Variants in MPV17L2 observed in about 807,000 individuals in gnomAD.
MPV17L2 encodes the protein mpv17-like protein 2.
A neutral mutation model predicts 24.2 loss-of-function variants in MPV17L2; 25 were observed. The ratio of observed to expected loss-of-function variants is 1.03; its 90% CI spans 0.75 to 1.44. The LOEUF is 1.44. MPV17L2 is among the 40% of genes most tolerant of loss of function. The pLI is 0.00. For missense variants in MPV17L2, 271 were observed against 276.2 expected (o/e 0.98, Z 0.13); for synonymous variants, 130 against 121.4 (o/e 1.07, Z -0.46).
rs201845134 is a variant in MPV17L2 at position 18,195,017 on chromosome 19, A to G, written c.495A>G (p.Gln165=). Residue 165 remains glutamine, a synonymous_variant, in exon 4 of 5, where the codon CAA becomes CAG. Transcript: ENST00000599612. ...QFVNFLFVPP[Q]FRVTYINGLT... is the part of the protein sequence containing the mutation. ...TGAACTTCCTCTTCGTGCCCCCCCAATTTCGAGTCACCTACATCAACGGCC... is the reference window on the plus strand; with the variant it reads ...TGAACTTCCTCTTCGTGCCCCCCCAGTTTCGAGTCACCTACATCAACGGCC... 47 of 1,613,668 alleles carry G rather than the reference A, an allele frequency of 2.9e-5. No homozygotes were observed. In the East Asian group the frequency reaches 6.0e-4, roughly 21 times the overall value.
rs1415046436 is a variant in MPV17L2, at chr19:18,193,396, G to A, written c.115G>A (p.Ala39Thr). The A allele has an allele frequency of 3.8e-6, 6 of 1,567,780 alleles. No homozygotes were observed. In the East Asian group the frequency reaches 1.4e-4, roughly 38 times the overall value. ...GCTGGGCTGCGGCGCGCTCATGGCG[G>A]CCGGTGATGGCGTGCGCCAGTCCTG... ...NTLGCGALMA[A>T]GDGVRQSWEI... The change falls in exon 1 of 5, where the codon GCC becomes ACC. Residue 39 changes from alanine (A) to threonine (T), a missense_variant. Transcript: ENST00000599612.
chr19:18,196,128 C>G lies in MPV17L2; in HGVS notation c.*73C>G, dbSNP rs980317316. On this transcript the variant is annotated 3_prime_UTR_variant, in exon 5 of 5. Coordinates refer to ENST00000599612, the MANE Select transcript of MPV17L2 (RefSeq NM_032683.3). The stretch of plus-strand genomic sequence containing the variant: ...CCCCCTCTGACAGAAGGGGAATGGG[C>G]TCCTGCAGCAAGCTCGGGTCTTGAG... 1.9e-6 allele frequency: 3 copies of G among 1,610,596 alleles called. No individual in the cohort carries two copies. In the African/African-American group the frequency reaches 4.0e-5, roughly 22 times the overall value.
In MPV17L2 at chr19:18,193,951, T is replaced by C; in HGVS notation, c.275T>C (p.Leu92Pro). The C allele has an allele frequency of 5.0e-6, 8 of 1,614,222 alleles. No homozygotes were observed. Among genetic ancestry groups the C allele is most frequent in the Non-Finnish European group, 6.8e-6 (8 of 1,180,030 alleles). Residue 92 changes from leucine to proline, a missense_variant, in exon 2 of 5, where the codon CTC becomes CCC. Leu to Pro is a moderately conservative substitution (Grantham distance 98). Coordinates refer to ENST00000599612, the MANE Select transcript of MPV17L2 (RefSeq NM_032683.3). ...SLDRLFPASG[L>P]RGFPNVLKKV... The stretch of plus-strand genomic sequence containing the variant: ...GACCGCCTATTCCCTGCGTCTGGCC[T>C]CCGAGGCTTCCCAAATGTCCTCAAG...
chr19:18,196,231 C>T lies in MPV17L2; in HGVS notation c.*176C>T, dbSNP rs1366034097. On this transcript the variant is annotated 3_prime_UTR_variant, in exon 5 of 5. Transcript: ENST00000599612. ...CAAGCTCACTTCTGGGACTGAGTTT[C>T]CTCAACCGGAACACACCCATGAAGA... is the stretch of plus-strand genomic sequence containing the variant. The T allele has an allele frequency of 6.5e-7, 1 of 1,529,718 alleles. No individual in the cohort carries two copies. The highest frequency in any genetic ancestry group is 8.8e-7 in the Non-Finnish European group (1 of 1,142,512). 94.8% of individuals were successfully genotyped at this position (1,529,718 alleles called of 1,614,324 possible).
chr19:18,196,080 C>G lies in MPV17L2; in HGVS notation c.*25C>G. 6.2e-7 allele frequency: 1 copy of G among 1,614,054 alleles called. No homozygotes were observed. Among genetic ancestry groups the G allele is most frequent in the South Asian group, 1.1e-5 (1 of 91,082 alleles). On this transcript the variant is annotated 3_prime_UTR_variant, in exon 5 of 5. Coordinates refer to ENST00000599612, the MANE Select transcript of MPV17L2 (RefSeq NM_032683.3). ...AACTGTCTGCTTCCTGGACCAGATG[C>G]AAGACTGTCTCCTGGCGGACCACCC...
At chr19:18,194,607 G>A (rs2147976725) in intron 2 of MPV17L2, among the ~76,000 whole-genome samples, 170 bp from the exon 3 acceptor site, 1 of 152,304 alleles carries the variant, frequency 6.6e-6, no homozygotes, top group Non-Finnish European at 1.5e-5. Context: ...CTCTACACCA[G>A]CTACCCTAAT....
intron 3 of MPV17L2, 44 bp from the exon 4 acceptor site, chr19:18,194,914 G>T (rs777960452): frequency 8.2e-6 from 5 of 607,128 alleles, no homozygotes; most frequent in Middle Eastern, 4.4e-4. Flanking sequence ...CTCCGCCCCC[G>T]CCCAGCTCTG....
Position 18,195,178 on chromosome 19 carries a change from G to A in MPV17L2, c.564+92G>A, listed in dbSNP as rs754834092. The A allele has an allele frequency of 1.8e-4, 269 of 1,530,458 alleles. 1 individual carries two copies. Among genetic ancestry groups the A allele is most frequent in the Non-Finnish European group, 2.3e-4 (261 of 1,138,798 alleles). The allele number at this position is 1,530,458 out of a possible 1,614,324, so 94.8% of individuals were successfully genotyped here. A position where few individuals can be genotyped will look rare whatever the true frequency, so the allele number is the denominator to read the frequency against. On this transcript the variant is annotated intron_variant, in intron 4 of 4. Coordinates refer to ENST00000599612, the MANE Select transcript of MPV17L2 (RefSeq NM_032683.3). ...TGGCAGTGTAGCCAGCCACCCTGGA[G>A]GGTGGGAGTCTCCTGTGCTCCTGAC...
intron 2 of MPV17L2, 188 bp downstream of exon 2, chr19:18,194,222 G>A (rs564538093): frequency 3.1e-6 from 2 of 638,558 alleles, no homozygotes; most frequent in South Asian, 4.0e-5. Context: ...AGTGTAGGAG[G>A]GACGAGGACT....
chr19:18,194,380 C>G (rs1295574147), intron 2 of MPV17L2, among the ~76,000 whole-genome samples: 1 of 152,148 alleles, frequency 6.6e-6, no homozygotes, highest in Non-Finnish European at 1.5e-5. Flanking sequence ...GAAATTGAGG[C>G]TAGACTTAAT....
At chr19:18,194,090 C>A in intron 2 of MPV17L2, 56 bp downstream of exon 2, 1 of 1,575,704 alleles carries the variant, frequency 6.3e-7, no homozygotes. Flanking sequence ...GGGGTGGAGC[C>A]AGCTTTGTGT....
rs1379618471 is a variant in MPV17L2 at position 18,196,166 on chromosome 19, A to G, written c.*111A>G. 3 of 1,582,392 alleles carry G rather than the reference A, an allele frequency of 1.9e-6. No homozygotes were observed. Among genetic ancestry groups the G allele is most frequent in the East Asian group, 4.6e-5 (2 of 43,676 alleles). ...CTCGGGTCTTGAGCCACGTCCCAGC[A>G]CCACTTCAGCTCCGGAGCATTGGGC... On this transcript the variant is annotated 3_prime_UTR_variant, in exon 5 of 5. Transcript: ENST00000599612.
At position 18,194,046 on chromosome 19, in the gene MPV17L2, C is replaced by CCTAAG; in HGVS notation, c.358+14_358+18dup. ...CTGGTACTTCTTGGGTAAGGAGCCT[C>CCTAAG]CTAAGCCTAGGCTTTGCCTCTCATA... On this transcript the variant is annotated intron_variant, in intron 2 of 4. Coordinates refer to ENST00000599612, the MANE Select transcript of MPV17L2 (RefSeq NM_032683.3). 6.2e-7 allele frequency: 1 copy of CCTAAG among 1,612,902 alleles called. No individual in the cohort carries two copies.
chr19:18,194,718 TGTC>T lies in MPV17L2; in HGVS notation c.359-55_359-53del. On this transcript the variant is annotated intron_variant, in intron 2 of 4. Transcript: ENST00000599612. ...CGCCCCCTCCATCGTCAGCCCATCTTGTCGTCTCAACAGTACTTCCTGGCCTCT... is the reference window on the plus strand; with the variant it reads ...CGCCCCCTCCATCGTCAGCCCATCTTGTCTCAACAGTACTTCCTGGCCTCT... 3.4e-6 allele frequency: 5 copies of T among 1,476,548 alleles called. No homozygotes were observed. In the Admixed American group the frequency reaches 5.9e-5, roughly 17 times the overall value. The allele number at this position is 1,476,548 out of a possible 1,614,324, so 91.5% of individuals were successfully genotyped here.
chr19:18,194,415 G>A (rs904512950), intron 2 of MPV17L2, among the ~76,000 whole-genome samples: 11 of 152,172 alleles, frequency 7.2e-5, no homozygotes, highest in African/African-American at 2.7e-4. Context: ...CCAGCCCTAG[G>A]CTCGGTAAAG....
chr19:18,196,593 G>C lies in MPV17L2; in HGVS notation c.*538G>C, dbSNP rs1208069647. The C allele has an allele frequency of 2.0e-6, 1 of 512,344 alleles. No homozygotes were observed. The highest frequency in any genetic ancestry group is 3.1e-6 in the Non-Finnish European group (1 of 322,356). The allele number at this position is 512,344 out of a possible 1,614,324, so 31.7% of individuals were successfully genotyped here. On this transcript the variant is annotated 3_prime_UTR_variant, in exon 5 of 5. Coordinates refer to ENST00000599612, the MANE Select transcript of MPV17L2 (RefSeq NM_032683.3). ...CTCTATAATGTAACTGAAACTGCTGGCTGGGCGCAGTGGCTCCCACCTGTA... is the reference window on the plus strand; with the variant it reads ...CTCTATAATGTAACTGAAACTGCTGCCTGGGCGCAGTGGCTCCCACCTGTA...
intron 2 of MPV17L2, 179 bp downstream of exon 2, chr19:18,194,213 G>A: frequency 1.5e-6 from 1 of 665,782 alleles, no homozygotes; most frequent in South Asian, 1.9e-5. Flanking sequence ...ACGCTGGCGA[G>A]TGTAGGAGGG....
chr19:18,194,340 A>G (rs1967473821), intron 2 of MPV17L2, among the ~76,000 whole-genome samples: 1 of 152,172 alleles, frequency 6.6e-6, no homozygotes, highest in Non-Finnish European at 1.5e-5. Context: ...GGGAACAGCT[A>G]ATGCAAAGGC....
chr19:18,194,732 T>C (rs573212590), intron 2 of MPV17L2, 45 bp from the exon 3 acceptor site: 1 of 1,535,674 alleles, frequency 6.5e-7, no homozygotes, highest in Admixed American at 1.9e-5. Flanking sequence ...GTCTCAACAG[T>C]ACTTCCTGGC....
Sources: gnomAD v4.1 joint callset for allele counts (sites outside exome capture counted in the v4.1 genomes callset) on GRCh38, gnomAD v4.1.1 for gene constraint, MANE v1.5 for transcripts, NCBI Gene and HGNC (gene_info 2026-07-23, HGNC 2026-07-21) for gene names.